GAB2: variants seen among roughly 807,000 people sequenced by gnomAD.
GAB2 encodes GRB2-associated-binding protein 2.
GAB2 carries 26 observed loss-of-function variants against 65.5 expected under a neutral mutation model. That is an observed-to-expected ratio of 0.40 (90% CI 0.29 to 0.55). GAB2 has a LOEUF of 0.55. Among genes scored for constraint, GAB2 ranks in the 20% least tolerant of loss-of-function variants. The pLI is 0.53. For missense variants in GAB2, 884 were observed against 875.8 expected (o/e 1.01, Z -0.12); for synonymous variants, 321 against 329.6 (o/e 0.97, Z 0.28).
chr11:78,343,572 G>T (rs1366635256), intron 1 of GAB2, among the ~76,000 whole-genome samples: 3 of 152,156 alleles, frequency 2.0e-5, no homozygotes, highest in Non-Finnish European at 4.4e-5. Context: ...CAATGCTGAT[G>T]TATCATAATC....
intron 1 of GAB2, chr11:78,392,194 T>A (rs903660901): frequency 1.4e-4 from 21 of 151,240 alleles, no homozygotes; most frequent in African/African-American, 5.1e-4. Context: ...GCTGAGATTC[T>A]GCCACTGCAC....
intron 2 of GAB2, among the ~76,000 whole-genome samples, chr11:78,263,535 A>G (rs1865791956): frequency 6.6e-6 from 1 of 151,226 alleles, no homozygotes; most frequent in African/African-American, 2.4e-5. Context: ...AGGGAGGCTG[A>G]GGCAGGAGAA....
At chr11:78,260,475 C>CTTT (rs61091091) in intron 2 of GAB2, among the ~76,000 whole-genome samples, 17 of 145,954 alleles carry the variant, frequency 1.2e-4, no homozygotes, top group Admixed American at 7.5e-4. Flanking sequence ...CCTTCTAAAT[C>CTTT]TTTTTTTTTT....
intron 6 of GAB2, 71 bp downstream of exon 6, chr11:78,223,341 T>A (rs979284164): frequency 7.7e-7 from 1 of 1,297,246 alleles, no homozygotes; most frequent in Non-Finnish European, 1.0e-6. Context: ...AGGATCCACA[T>A]GACCCCTAAG....
intron 1 of GAB2, among the ~76,000 whole-genome samples, chr11:78,379,811 T>C (rs573726862): frequency 6.6e-6 from 1 of 151,304 alleles, no homozygotes; most frequent in South Asian, 2.1e-4. Flanking sequence ...ATTTCAGTAG[T>C]TGTGAGACTT....
intron 1 of GAB2, among the ~76,000 whole-genome samples, chr11:78,333,137 G>A (rs752628593): frequency 4.6e-5 from 7 of 152,064 alleles, no homozygotes; most frequent in Non-Finnish European, 8.8e-5. Flanking sequence ...GTCTTCACCC[G>A]GAAATACTGG....
At chr11:78,303,208 A>T (rs28834815) in intron 1 of GAB2, among the ~76,000 whole-genome samples, 6 of 137,906 alleles carry the variant, frequency 4.4e-5, no homozygotes, top group African/African-American at 1.9e-4. Context: ...AAAATTTTTT[A>T]AAAAATGGTT....
chr11:78,385,760 T>C (rs1234846803), intron 1 of GAB2, among the ~76,000 whole-genome samples: 6 of 152,102 alleles, frequency 3.9e-5, no homozygotes, highest in East Asian at 1.9e-4. Flanking sequence ...CATGTAGAGA[T>C]TGATTTTAGA....
intron 1 of GAB2, among the ~76,000 whole-genome samples, chr11:78,299,627 T>C (rs1301585039): frequency 6.6e-6 from 1 of 152,240 alleles, no homozygotes. Context: ...GGAACTTGGC[T>C]TCTCTTCCCT....
chr11:78,349,370 C>T (rs186255560), intron 1 of GAB2, among the ~76,000 whole-genome samples: 13 of 152,236 alleles, frequency 8.5e-5, no homozygotes, highest in African/African-American at 3.1e-4. Context: ...TACTAAGTTA[C>T]AAATCATCTT....
chr11:78,290,279 G>T (rs1217235023), intron 1 of GAB2, among the ~76,000 whole-genome samples: 1 of 152,136 alleles, frequency 6.6e-6, no homozygotes, highest in Non-Finnish European at 1.5e-5. Context: ...CTACTGTCAA[G>T]AAAGTTGGAA....
intron 1 of GAB2, among the ~76,000 whole-genome samples, chr11:78,339,268 T>G (rs994239041): frequency 1.3e-5 from 2 of 152,166 alleles, no homozygotes; most frequent in Non-Finnish European, 2.9e-5. Flanking sequence ...TTCTTTCATT[T>G]TGAATTTCTT....
At chr11:78,327,119 C>A (rs1434681920) in intron 1 of GAB2, among the ~76,000 whole-genome samples, 1 of 152,210 alleles carries the variant, frequency 6.6e-6, no homozygotes, top group Admixed American at 6.5e-5. Context: ...CAAATACGTA[C>A]TGAGCATCTG....
intron 1 of GAB2, among the ~76,000 whole-genome samples, chr11:78,328,402 T>C (rs1183041003): frequency 6.6e-6 from 1 of 152,194 alleles, no homozygotes; most frequent in Non-Finnish European, 1.5e-5. Context: ...GTGGGGTATA[T>C]GGGAACTCTG....
intron 1 of GAB2, among the ~76,000 whole-genome samples, chr11:78,355,938 C>T (rs1050666973): frequency 4.0e-5 from 6 of 151,550 alleles, no homozygotes; most frequent in African/African-American, 1.5e-4. Flanking sequence ...TTTGGAAGGC[C>T]GAGGCAGGTG....
intron 1 of GAB2, among the ~76,000 whole-genome samples, chr11:78,313,111 G>T (rs1855534401): frequency 6.6e-6 from 1 of 152,156 alleles, no homozygotes; most frequent in Non-Finnish European, 1.5e-5. Flanking sequence ...CATGAAGAAG[G>T]TGTCACTTGC....
At chr11:78,335,334 T>C (rs1010008352) in intron 1 of GAB2, among the ~76,000 whole-genome samples, 1 of 152,338 alleles carries the variant, frequency 6.6e-6, no homozygotes. Flanking sequence ...GTCCTGGAGA[T>C]TTTCCCCAAT....
intron 1 of GAB2, among the ~76,000 whole-genome samples, chr11:78,407,670 AAAG>A (rs1857067749): frequency 7.1e-6 from 1 of 141,276 alleles, no homozygotes; most frequent in Non-Finnish European, 1.5e-5. Context: ...AGAAAGAAAG[AAAG>A]AAAGAAAGAA....
intron 1 of GAB2, among the ~76,000 whole-genome samples, chr11:78,303,143 A>T (rs1273948827): frequency 2.0e-5 from 3 of 152,202 alleles, no homozygotes; most frequent in Non-Finnish European, 2.9e-5. Flanking sequence ...ATCACCACTA[A>T]AGAACTTACT....
Sources: allele counts gnomAD v4.1 joint callset (sites outside exome capture counted in the v4.1 genomes callset), GRCh38; gene constraint gnomAD v4.1.1; transcripts MANE v1.5; gene names NCBI Gene and HGNC (gene_info 2026-07-23, HGNC 2026-07-21).